DCC: variants seen among roughly 807,000 people sequenced by gnomAD.
DCC encodes the protein DCC netrin 1 receptor.
A neutral mutation model predicts 172.5 loss-of-function variants in DCC; 58 were observed. The observed-to-expected ratio is 0.34, with a 90% CI of 0.27 to 0.42. DCC has a LOEUF of 0.42. Ranked by LOEUF, DCC falls within the 10% of genes least tolerant of loss-of-function variation. The pLI is 1.00. For synonymous variants in DCC, 709 were observed against 644.5 expected (o/e 1.10, Z -1.52); for missense variants, 1,740 against 1,791.0 (o/e 0.97, Z 0.51).
At chr18:52,711,448 C>T (rs566931272) in intron 1 of DCC, among the ~76,000 whole-genome samples, 2 of 152,158 alleles carry the variant, frequency 1.3e-5, no homozygotes, top group Non-Finnish European at 2.9e-5. Flanking sequence ...CATGGCTTGA[C>T]ACACAGAAGG....
At chr18:53,476,315 CA>C (rs1339395813) in intron 25 of DCC, among the ~76,000 whole-genome samples, 1 of 152,028 alleles carries the variant, frequency 6.6e-6, no homozygotes, top group Non-Finnish European at 1.5e-5. Flanking sequence ...TGAGAGGGGC[CA>C]GGGGCAGAAT....
intron 12 of DCC, among the ~76,000 whole-genome samples, chr18:53,273,098 A>G (rs1305776338): frequency 1.3e-5 from 2 of 152,178 alleles, no homozygotes; most frequent in Admixed American, 1.3e-4. Flanking sequence ...TTTCAAGAGC[A>G]GTAAGATCAG....
chr18:52,723,931 A>G (rs2036512924), intron 1 of DCC, among the ~76,000 whole-genome samples: 1 of 152,194 alleles, frequency 6.6e-6, no homozygotes. Context: ...TGAGCCACTC[A>G]TAAACAACCA....
chr18:52,590,673 G>A (rs1042972297), intron 1 of DCC, among the ~76,000 whole-genome samples: 18 of 152,196 alleles, frequency 1.2e-4, no homozygotes, highest in African/African-American at 4.3e-4. Flanking sequence ...CAGAATGGAT[G>A]TTGTCATCAA....
chr18:52,393,012 G>A (rs1358647591), intron 1 of DCC, among the ~76,000 whole-genome samples: 1 of 151,946 alleles, frequency 6.6e-6, no homozygotes, highest in South Asian at 2.1e-4. Context: ...GTGAAGCCAG[G>A]GCCAGTACTA....
intron 14 of DCC, among the ~76,000 whole-genome samples, chr18:53,332,497 G>A (rs1359822049): frequency 6.6e-6 from 1 of 152,118 alleles, no homozygotes; most frequent in Non-Finnish European, 1.5e-5. Flanking sequence ...TTAAATTGAT[G>A]AGTATGACAC....
intron 2 of DCC, among the ~76,000 whole-genome samples, chr18:52,901,930 T>C (rs541241716): frequency 1.3e-5 from 2 of 152,302 alleles, no homozygotes; most frequent in East Asian, 1.9e-4. Context: ...TATCTGCAAA[T>C]TGTGAGTACT....
chr18:52,573,881 C>G (rs540048617), intron 1 of DCC, among the ~76,000 whole-genome samples: 1 of 152,172 alleles, frequency 6.6e-6, no homozygotes, highest in Non-Finnish European at 1.5e-5. Flanking sequence ...CTTAGGATGA[C>G]CACCTCTTAT....
Position 52,792,673 on chromosome 18 carries a change from TG to T in DCC, c.412+40301del, listed in dbSNP as rs572566359. Reference sequence around the variant, plus strand: ...TCTTTAAGAATGGCAGGCATGCTAATGGTATTTTTAAATGGCTGGCAGATGC... The same window carrying T: ...TCTTTAAGAATGGCAGGCATGCTAATGTATTTTTAAATGGCTGGCAGATGC... On this transcript the variant is annotated intron_variant, in intron 2 of 28. Transcript: ENST00000442544. Among the ~76,000 whole-genome samples, 65 of 151,450 alleles carry T rather than the reference TG, an allele frequency of 4.3e-4. 2 individuals carry two copies. In the East Asian group the frequency reaches 8.4e-3, roughly 19 times the overall value.
At chr18:52,419,186 T>C (rs1183220339) in intron 1 of DCC, 1 of 152,226 alleles carries the variant, frequency 6.6e-6, no homozygotes, top group Admixed American at 6.6e-5. Flanking sequence ...CTTTTGCTGA[T>C]CACTCGCCAG....
At chr18:52,485,465 G>A (rs2030173736) in intron 1 of DCC, among the ~76,000 whole-genome samples, 1 of 152,070 alleles carries the variant, frequency 6.6e-6, no homozygotes, top group Non-Finnish European at 1.5e-5. Flanking sequence ...CACTAAAAGA[G>A]TTATTTCTTC....
chr18:52,738,566 G>A (rs774176804), intron 1 of DCC, among the ~76,000 whole-genome samples: 2 of 152,076 alleles, frequency 1.3e-5, no homozygotes, highest in Non-Finnish European at 2.9e-5. Flanking sequence ...ATGAGTGAGT[G>A]GTAATCGAAT....
intron 2 of DCC, among the ~76,000 whole-genome samples, chr18:52,803,440 C>T (rs1476619846): frequency 6.6e-6 from 1 of 152,078 alleles, no homozygotes; most frequent in African/African-American, 2.4e-5. Flanking sequence ...TTAGTTAATG[C>T]TGCATTCTGT....
chr18:53,450,895 TTTAC>T (rs1421432934), intron 23 of DCC, among the ~76,000 whole-genome samples: 1 of 152,130 alleles, frequency 6.6e-6, no homozygotes, highest in Non-Finnish European at 1.5e-5. Flanking sequence ...TCTGTTTGCT[TTTAC>T]TTCTCTGACC....
intron 5 of DCC, among the ~76,000 whole-genome samples, chr18:53,053,991 T>A (rs185794848): frequency 6.6e-6 from 1 of 152,220 alleles, no homozygotes; most frequent in East Asian, 1.9e-4. Context: ...GAGTGGTCCC[T>A]CAGTATTTGT....
At chr18:53,367,522 A>G (rs1267420298) in intron 15 of DCC, among the ~76,000 whole-genome samples, 1 of 152,216 alleles carries the variant, frequency 6.6e-6, no homozygotes, top group East Asian at 1.9e-4. Flanking sequence ...TATAATTCAC[A>G]TGACATAAAA....
At chr18:52,943,215 G>A (rs1265844829) in intron 5 of DCC, among the ~76,000 whole-genome samples, 2 of 152,184 alleles carry the variant, frequency 1.3e-5, no homozygotes, top group Non-Finnish European at 2.9e-5. Context: ...TTAAATGTAT[G>A]AAAGGCTGAT....
intron 9 of DCC, among the ~76,000 whole-genome samples, chr18:53,198,330 C>A (rs765674339): frequency 6.6e-6 from 1 of 151,956 alleles, no homozygotes; most frequent in East Asian, 1.9e-4. Flanking sequence ...TTCATGGAAT[C>A]TTTGATGCTA....
At chr18:52,868,463 C>T in intron 2 of DCC, among the ~76,000 whole-genome samples, 1 of 152,260 alleles carries the variant, frequency 6.6e-6, no homozygotes, top group Admixed American at 6.5e-5. Context: ...AGTGCTGCCA[C>T]TAATGAAACC....
Sources: gnomAD v4.1 joint callset for allele counts (sites outside exome capture counted in the v4.1 genomes callset) on GRCh38, gnomAD v4.1.1 for gene constraint, MANE v1.5 for transcripts, NCBI Gene and HGNC (gene_info 2026-07-23, HGNC 2026-07-21) for gene names.